The following DYM variants were observed in gnomAD, a reference collection of about 807,000 sequenced individuals.
DYM encodes the protein dyggve-Melchior-Clausen syndrome protein.
Under a neutral mutation model 93.1 loss-of-function variants are expected in DYM, and 78 were observed. The ratio of observed to expected loss-of-function variants is 0.84; its 90% CI spans 0.70 to 1.01. The LOEUF is 1.01. Among genes scored for constraint, DYM ranks in the 50% least tolerant of loss-of-function variants. DYM has a pLI of 0.00. For synonymous variants in DYM, 321 were observed against 319.7 expected, an observed-to-expected ratio of 1.00 and a Z score of -0.04; for missense variants, 789 against 845.0, an observed-to-expected ratio of 0.93 and a Z score of 0.82.
At chr18:49,208,892 C>T (rs528115791) in intron 14 of DYM, 8 of 152,100 alleles carry the variant, frequency 5.3e-5, no homozygotes, top group East Asian at 1.9e-4. Flanking sequence ...TTTTGGTGCA[C>T]GATAAACACA....
At chr18:49,330,759 C>T (rs1280985887) in intron 8 of DYM, among the ~76,000 whole-genome samples, 3 of 152,080 alleles carry the variant, frequency 2.0e-5, no homozygotes, top group South Asian at 4.1e-4. Flanking sequence ...CAATGGGACA[C>T]AAAAAGCCCC....
At chr18:49,355,343 C>A (rs574238096) in intron 6 of DYM, among the ~76,000 whole-genome samples, 1 of 151,726 alleles carries the variant, frequency 6.6e-6, no homozygotes. Context: ...ACAGATGTAT[C>A]TATCAATAAT....
rs75190088 is a variant in DYM, at chr18:49,191,902, T to C, written c.1625+17649A>G. ...GGCTTTGGGGGCCAGAATGTTTGGA[T>C]TGCAATACTGCTTTAATAGCTTTCT... On this transcript the variant is annotated intron_variant, in intron 14 of 17. Coordinates refer to ENST00000675505, the MANE Select transcript of DYM (RefSeq NM_001353214.3). Among the ~76,000 whole-genome samples, 392 of 152,216 alleles carry C rather than the reference T, an allele frequency of 2.6e-3. 2 individuals carry two copies. The highest frequency in any genetic ancestry group is 9.2e-3 in the African/African-American group (383 of 41,550).
At chr18:49,050,408 C>T (rs2072267678) in intron 17 of DYM, among the ~76,000 whole-genome samples, 1 of 152,096 alleles carries the variant, frequency 6.6e-6, no homozygotes, top group South Asian at 2.1e-4. Context: ...GTAACTTCTA[C>T]AGTGTATGTG....
chr18:49,381,248 A>C (rs1181897035), intron 3 of DYM, among the ~76,000 whole-genome samples: 2 of 152,172 alleles, frequency 1.3e-5, no homozygotes, highest in Non-Finnish European at 2.9e-5. Context: ...GATTTGAAAA[A>C]AATGAAGTTT....
chr18:49,406,703 C>T (rs1299402028), intron 2 of DYM, among the ~76,000 whole-genome samples: 5 of 152,152 alleles, frequency 3.3e-5, no homozygotes, highest in South Asian at 2.1e-4. Flanking sequence ...CAAATGCCAG[C>T]GAGGAGGCAG....
chr18:49,145,465 T>TA (rs1340374712), intron 15 of DYM, among the ~76,000 whole-genome samples: 1 of 152,118 alleles, frequency 6.6e-6, no homozygotes, highest in Non-Finnish European at 1.5e-5. Context: ...GTTCTTAAGT[T>TA]ACATCAAAGA....
At chr18:49,183,109 C>T (rs1806831626) in intron 14 of DYM, among the ~76,000 whole-genome samples, 1 of 152,138 alleles carries the variant, frequency 6.6e-6, no homozygotes, top group African/African-American at 2.4e-5. Flanking sequence ...CTGATAACCA[C>T]AGTATTTTAA....
At chr18:49,442,232 G>A (rs2081700404) in intron 1 of DYM, among the ~76,000 whole-genome samples, 1 of 152,120 alleles carries the variant, frequency 6.6e-6, no homozygotes, top group Non-Finnish European at 1.5e-5. Context: ...TGTGAGTAAA[G>A]CCTCCAGCAT....
intron 2 of DYM, among the ~76,000 whole-genome samples, chr18:49,406,978 T>C (rs148625518): frequency 1.2e-3 from 187 of 152,316 alleles, no homozygotes; most frequent in Non-Finnish European, 2.5e-3. Flanking sequence ...AAACAAACTA[T>C]GGCACATCTA....
At chr18:49,442,180 C>G (rs749840291) in intron 1 of DYM, among the ~76,000 whole-genome samples, 5 of 152,124 alleles carry the variant, frequency 3.3e-5, no homozygotes, top group South Asian at 4.1e-4. Flanking sequence ...TTTGGGTAGT[C>G]TCAACTTTAA....
intron 13 of DYM, among the ~76,000 whole-genome samples, chr18:49,237,760 C>T (rs1170829787): frequency 6.6e-6 from 1 of 152,140 alleles, no homozygotes; most frequent in Non-Finnish European, 1.5e-5. Context: ...CTTGTGTGTC[C>T]TTCCAGAGTT....
chr18:49,401,972 G>C (rs921448270), intron 2 of DYM, among the ~76,000 whole-genome samples: 3 of 151,044 alleles, frequency 2.0e-5, no homozygotes, highest in Non-Finnish European at 4.4e-5. Context: ...GTTGCAGTGA[G>C]CCGAGATGAC....
intron 17 of DYM, among the ~76,000 whole-genome samples, chr18:49,093,693 T>C (rs940548149): frequency 1.1e-4 from 16 of 152,072 alleles, no homozygotes; most frequent in Admixed American, 6.5e-5. Flanking sequence ...AGAGAGTGAC[T>C]GTGGACACAT....
At chr18:49,399,684 T>C (rs1013576925) in intron 2 of DYM, among the ~76,000 whole-genome samples, 5 of 152,138 alleles carry the variant, frequency 3.3e-5, no homozygotes, top group Non-Finnish European at 7.3e-5. Context: ...AGCAGTAAGA[T>C]TGCCCAGTTG....
chr18:49,203,008 G>C lies in DYM; in HGVS notation c.1625+6543C>G, dbSNP rs1374886098. 1.2e-3 allele frequency among the ~76,000 whole-genome samples: 65 copies of C among 52,068 alleles called. 2 individuals carry two copies. The highest frequency in any genetic ancestry group is 3.9e-3 in the African/African-American group (60 of 15,370). 34.2% of individuals were successfully genotyped at this position (52,068 alleles called of 152,430 possible). On this transcript the variant is annotated intron_variant, in intron 14 of 17. Coordinates refer to ENST00000675505, the MANE Select transcript of DYM (RefSeq NM_001353214.3). ...TGCCATCCGGGAGGGAGGTGGGGGG[G>C]TCAGCCCCCCGCCTGGCCGGCCGTG... is the stretch of plus-strand genomic sequence containing the variant.
intron 15 of DYM, among the ~76,000 whole-genome samples, chr18:49,121,762 TA>T (rs1388755586): frequency 2.6e-5 from 4 of 152,178 alleles, no homozygotes; most frequent in Non-Finnish European, 4.4e-5. Flanking sequence ...CAGTCCAACC[TA>T]AATGTAGTGG....
chr18:49,368,212 T>C (rs2066687006), intron 5 of DYM, among the ~76,000 whole-genome samples: 1 of 152,212 alleles, frequency 6.6e-6, no homozygotes, highest in African/African-American at 2.4e-5. Flanking sequence ...CCCTAAAAGA[T>C]AATATACTCT....
chr18:49,333,978 G>T (rs2063495246), intron 6 of DYM, 125 bp from the exon 7 acceptor site: 2 of 1,031,920 alleles, frequency 1.9e-6, no homozygotes, highest in Non-Finnish European at 2.8e-6. Context: ...ACTGAAAAAT[G>T]TTAATACGTT....
Sources: allele counts gnomAD v4.1 joint callset (sites outside exome capture counted in the v4.1 genomes callset), GRCh38; gene constraint gnomAD v4.1.1; transcripts MANE v1.5; gene names NCBI Gene and HGNC (gene_info 2026-07-23, HGNC 2026-07-21).